The following GSE1 variants were observed in gnomAD, a reference collection of about 807,000 sequenced individuals.
The protein encoded by GSE1 is Gse1 coiled-coil protein.
A neutral mutation model predicts 112.6 loss-of-function variants in GSE1; 32 were observed. The observed-to-expected ratio is 0.28, with a 90% confidence interval of 0.21 to 0.38. GSE1 has a LOEUF of 0.38. Ranked by LOEUF, GSE1 falls within the 10% of genes least tolerant of loss-of-function variation. The pLI is 1.00. For missense variants in GSE1, 2,348 were observed against 1,699.2 expected, an observed-to-expected ratio of 1.38 and a Z score of -6.71; for synonymous variants, 1,115 against 735.6, an observed-to-expected ratio of 1.52 and a Z score of -8.35.
At chr16:85,268,120 TG>T (rs1428612456) in intron 1 of GSE1, among the ~76,000 whole-genome samples, 1 of 152,154 alleles carries the variant, frequency 6.6e-6, no homozygotes, top group Non-Finnish European at 1.5e-5. Flanking sequence ...GTGATGCCTC[TG>T]TATTTCGTGA....
At chr16:85,201,178 T>G (rs886409148) in intron 1 of GSE1, among the ~76,000 whole-genome samples, 2 of 152,030 alleles carry the variant, frequency 1.3e-5, no homozygotes, top group African/African-American at 4.8e-5. Flanking sequence ...GTTTAAGTGA[T>G]CCTCCCACCT....
rs1598570994 is a variant in GSE1 at position 85,648,762 on chromosome 16, C to CG, written c.426+15dup. On this transcript the variant is annotated intron_variant, in intron 3 of 15. Transcript: ENST00000253458. ...AGTGAGAGCCGGCAGGTGAGTGGGG[C>CG]GGGGCAGGGAGCCTAGCGTCCTCTA... 6.5e-7 allele frequency: 1 copy of CG among 1,541,362 alleles called. No individual in the cohort carries two copies. Among genetic ancestry groups the CG allele is most frequent in the Non-Finnish European group, 8.8e-7 (1 of 1,137,640 alleles).
intron 1 of GSE1, among the ~76,000 whole-genome samples, chr16:85,567,542 T>C (rs1598211747): frequency 6.6e-6 from 1 of 152,188 alleles, no homozygotes; most frequent in Admixed American, 6.5e-5. Context: ...CAGTGTGGCA[T>C]GAGCTTCCTC....
At position 85,194,194 on chromosome 16, in the gene GSE1, C is replaced by T. The variant is rs557651425; in HGVS notation, c.2283+22387C>T. 1.3e-4 allele frequency among the ~76,000 whole-genome samples: 20 copies of T among 152,272 alleles called. No homozygotes were observed. The South Asian group carries it at 3.9e-3, about 30-fold the overall frequency. ...TCTCTTTGCTGCTGTTCTTGGACTC[C>T]GTGTCCGGGCGCCCTTGTGGTCTCT... On this transcript the variant is annotated intron_variant, in intron 1 of 2. Transcript: ENST00000637419.
intron 2 of GSE1, among the ~76,000 whole-genome samples, chr16:85,642,472 C>G (rs2050522519): frequency 6.6e-6 from 1 of 152,188 alleles, no homozygotes; most frequent in African/African-American, 2.4e-5. Context: ...CAAAGTGCAC[C>G]TGGGGACCCT....
chr16:85,228,121 C>A (rs1430266285), intron 1 of GSE1, among the ~76,000 whole-genome samples: 1 of 152,192 alleles, frequency 6.6e-6, no homozygotes, highest in Non-Finnish European at 1.5e-5. Flanking sequence ...CGGGCAGAGG[C>A]CCCGAGGCAG....
intron 1 of GSE1, among the ~76,000 whole-genome samples, chr16:85,272,280 C>T (rs1017257369): frequency 1.3e-5 from 2 of 152,196 alleles, no homozygotes; most frequent in Non-Finnish European, 2.9e-5. Context: ...GCGCGTGGGA[C>T]GATCCGTTTT....
chr16:85,403,780 T>G (rs1410600454), intron 2 of GSE1, among the ~76,000 whole-genome samples: 1 of 152,112 alleles, frequency 6.6e-6, no homozygotes, highest in African/African-American at 2.4e-5. Context: ...CCAGTCCTGG[T>G]GACAGAGTGA....
chr16:85,553,599 T>G (rs2045046104), upstream of GSE1, among the ~76,000 whole-genome samples: 1 of 151,976 alleles, frequency 6.6e-6, no homozygotes, highest in African/African-American at 2.4e-5. Flanking sequence ...ACCCCGGCGG[T>G]CGAGCCCCGG....
At chr16:85,431,983 C>T (rs1230474053) in intron 2 of GSE1, among the ~76,000 whole-genome samples, 2 of 152,310 alleles carry the variant, frequency 1.3e-5, no homozygotes, top group South Asian at 2.1e-4. Flanking sequence ...ACGGCATGGG[C>T]GCCTGGTGGA....
At chr16:85,282,747 A>G (rs554093320) in intron 1 of GSE1, among the ~76,000 whole-genome samples, 16 of 152,366 alleles carry the variant, frequency 1.1e-4, no homozygotes, top group Non-Finnish European at 1.9e-4. Flanking sequence ...TCGAGATTCA[A>G]TGTTATCACC....
In GSE1 at chr16:85,613,583, C is replaced by A. The variant is rs1467668604; in HGVS notation, c.7+185C>A. Among the ~76,000 whole-genome samples, 13 of 151,784 alleles carry A rather than the reference C, an allele frequency of 8.6e-5. No homozygotes were observed. The East Asian group carries it at 2.6e-3, about 30-fold the overall frequency. On this transcript the variant is annotated intron_variant, in intron 1 of 15. Transcript: ENST00000253458. ...GACCAAAGGCCACCCCCTTCCTCCGCCCGCGGGTCGCAGCCTGGGAGGCCT... is the reference window on the plus strand; with the variant it reads ...GACCAAAGGCCACCCCCTTCCTCCGACCGCGGGTCGCAGCCTGGGAGGCCT...
At chr16:85,187,310 C>G (rs2074724525) in intron 1 of GSE1, among the ~76,000 whole-genome samples, 1 of 152,234 alleles carries the variant, frequency 6.6e-6, no homozygotes, top group African/African-American at 2.4e-5. Flanking sequence ...AGCTCGGGAG[C>G]CTTGGCTGGT....
chr16:85,402,380 G>A (rs535409560), intron 2 of GSE1, among the ~76,000 whole-genome samples: 6 of 152,340 alleles, frequency 3.9e-5, no homozygotes, highest in African/African-American at 1.4e-4. Context: ...CTGGGAGGAG[G>A]AGGTTTGCAG....
chr16:85,484,068 G>A (rs1455684244), intron 2 of GSE1, among the ~76,000 whole-genome samples: 4 of 152,206 alleles, frequency 2.6e-5, no homozygotes, highest in African/African-American at 4.8e-5. Flanking sequence ...TCAGATTCGC[G>A]GTAGGATGAC....
At chr16:85,350,158 G>C (rs568046083) in intron 1 of GSE1, among the ~76,000 whole-genome samples, 1 of 152,172 alleles carries the variant, frequency 6.6e-6, no homozygotes, top group Non-Finnish European at 1.5e-5. Context: ...GTAGGTACTC[G>C]GGACAAGTAA....
chr16:85,316,476 C>T (rs2045987625), intron 1 of GSE1, among the ~76,000 whole-genome samples: 1 of 152,198 alleles, frequency 6.6e-6, no homozygotes, highest in Non-Finnish European at 1.5e-5. Flanking sequence ...AGCCACTGGT[C>T]CGGGTGTCCT....
intron 1 of GSE1, among the ~76,000 whole-genome samples, chr16:85,559,235 G>C (rs1237845737): frequency 6.6e-6 from 1 of 152,048 alleles, no homozygotes; most frequent in Non-Finnish European, 1.5e-5. Context: ...TCCTCTCTCT[G>C]AGGTAGCTGC....
chr16:85,663,388 G>A lies in GSE1; in HGVS notation c.2418G>A (p.Gln806=). ...TTTTTGGCTTGACCACCCAACAGCA[G>A]AAGGAGGAATTGGTGGCCCAGAAGC... The part of the protein sequence containing the change: ...LQLFGLTTQQ[Q]KEELVAQKRR... Residue 806 remains glutamine, a synonymous_variant, in exon 11 of 16, where the codon CAG becomes CAA. Transcript: ENST00000253458. 1 of 1,613,964 alleles carries A rather than the reference G, an allele frequency of 6.2e-7. No homozygotes were observed.
Sources: gnomAD v4.1 joint callset for allele counts (sites outside exome capture counted in the v4.1 genomes callset) on GRCh38, gnomAD v4.1.1 for gene constraint, MANE v1.5 for transcripts, NCBI Gene and HGNC (gene_info 2026-07-23, HGNC 2026-07-21) for gene names.